The following EXOC2 variants were observed in gnomAD, a reference collection of about 807,000 sequenced individuals.
The protein encoded by EXOC2 is exocyst complex component 2.
A neutral mutation model predicts 131.8 loss-of-function variants in EXOC2; 70 were observed. The ratio of observed to expected loss-of-function variants is 0.53; its 90% CI spans 0.44 to 0.65. The LOEUF (loss-of-function observed/expected upper bound fraction) is 0.65, where lower values mean the gene tolerates loss of function less well. Among genes scored for constraint, EXOC2 ranks in the 30% least tolerant of loss-of-function variants. The probability of loss-of-function intolerance (pLI) is 0.00; values close to 1 mark genes in which losing one functional copy is unlikely to be tolerated. For synonymous variants in EXOC2, 411 were observed against 398.4 expected, an observed-to-expected ratio of 1.03 and a Z score of -0.38; for missense variants, 923 against 1,108.6, an observed-to-expected ratio of 0.83 and a Z score of 2.38.
At chr6:500,338 T>C (rs1763971220) in intron 23 of EXOC2, among the ~76,000 whole-genome samples, 1 of 152,216 alleles carries the variant, frequency 6.6e-6, no homozygotes, top group Non-Finnish European at 1.5e-5. Flanking sequence ...CATCAGATTT[T>C]AGGTACAAGT....
At chr6:590,794 G>A (rs1759498948) in intron 11 of EXOC2, among the ~76,000 whole-genome samples, 1 of 152,054 alleles carries the variant, frequency 6.6e-6, no homozygotes, top group Non-Finnish European at 1.5e-5. Flanking sequence ...TCTTTCCTGA[G>A]TTTGCTTCTT....
intron 2 of EXOC2, among the ~76,000 whole-genome samples, chr6:634,346 A>G (rs1761999738): frequency 6.6e-6 from 1 of 152,116 alleles, no homozygotes; most frequent in Non-Finnish European, 1.5e-5. Flanking sequence ...TGGCCTCCCA[A>G]AGTGCTAGGA....
At chr6:658,670 T>TATATATATATATATATA (rs1332684843) in intron 1 of EXOC2, among the ~76,000 whole-genome samples, 1 of 137,162 alleles carries the variant, frequency 7.3e-6, no homozygotes, top group Non-Finnish European at 1.6e-5. Context: ...TATATATTTT[T>TATATATATATATATATA]TTTTTTTTTA....
intron 12 of EXOC2, among the ~76,000 whole-genome samples, chr6:574,801 C>A (rs1305088828): frequency 6.6e-6 from 1 of 152,228 alleles, no homozygotes; most frequent in Non-Finnish European, 1.5e-5. Flanking sequence ...AGTCAATTAA[C>A]CAATTGAATA....
intron 1 of EXOC2, among the ~76,000 whole-genome samples, chr6:667,142 G>GT (rs1307591138): frequency 1.0e-5 from 1 of 97,178 alleles, no homozygotes; most frequent in African/African-American, 3.1e-5. Context: ...ACTAAAAACT[G>GT]TATTTTACCT....
At chr6:638,677 A>G (rs984350486) in intron 1 of EXOC2, among the ~76,000 whole-genome samples, 7 of 152,260 alleles carry the variant, frequency 4.6e-5, no homozygotes, top group African/African-American at 1.2e-4. Context: ...TCATGCCTGT[A>G]ATCCCAGCAC....
chr6:510,822 T>C (rs1242769346), intron 23 of EXOC2, among the ~76,000 whole-genome samples: 1 of 152,220 alleles, frequency 6.6e-6, no homozygotes, highest in Non-Finnish European at 1.5e-5. Context: ...TAGTTTTTTG[T>C]CAGAAATTTT....
chr6:522,732 G>A (rs1229438830), intron 23 of EXOC2, among the ~76,000 whole-genome samples: 3 of 152,032 alleles, frequency 2.0e-5, no homozygotes, highest in East Asian at 3.9e-4. Flanking sequence ...GGTGCAGCAA[G>A]GTGTCTCCAG....
chr6:615,052 T>G (rs1760912283), intron 6 of EXOC2, among the ~76,000 whole-genome samples: 1 of 152,116 alleles, frequency 6.6e-6, no homozygotes, highest in African/African-American at 2.4e-5. Flanking sequence ...GCCTATAACA[T>G]GAATTTTAAA....
chr6:516,400 T>C (rs546975176), intron 23 of EXOC2, among the ~76,000 whole-genome samples: 32 of 152,244 alleles, frequency 2.1e-4, no homozygotes, highest in African/African-American at 7.2e-4. Context: ...CAGAGCTAGC[T>C]CGTCTAGCTC....
rs1763034008 is a variant in EXOC2 at position 486,215 on chromosome 6, C to G, written c.*456G>C. 6.5e-6 allele frequency: 1 copy of G among 153,684 alleles called. No individual in the cohort carries two copies. Among genetic ancestry groups the G allele is most frequent in the African/African-American group, 2.4e-5 (1 of 41,390 alleles). The allele number at this position is 153,684 out of a possible 1,614,324, so 9.5% of individuals were successfully genotyped here. ...AATGAGGGTTTTAAGCACAGCTGTACAGTTTAGGACAGTAAGAGCTCCAAA... is the reference window on the plus strand; with the variant it reads ...AATGAGGGTTTTAAGCACAGCTGTAGAGTTTAGGACAGTAAGAGCTCCAAA... On this transcript the variant is annotated 3_prime_UTR_variant, in exon 28 of 28. Coordinates refer to ENST00000230449, the MANE Select transcript of EXOC2 (RefSeq NM_018303.6).
intron 18 of EXOC2, 108 bp from the exon 19 acceptor site, chr6:556,121 G>A: frequency 2.0e-6 from 2 of 989,112 alleles, no homozygotes; most frequent in Non-Finnish European, 1.6e-6. Flanking sequence ...TGCAGGAGTG[G>A]TGCCCTTCCT....
At chr6:662,042 G>A (rs1002138275) in intron 1 of EXOC2, among the ~76,000 whole-genome samples, 2 of 152,250 alleles carry the variant, frequency 1.3e-5, no homozygotes, top group Non-Finnish European at 2.9e-5. Flanking sequence ...AGCAACAGCA[G>A]TTAAAACAGA....
intron 22 of EXOC2, among the ~76,000 whole-genome samples, chr6:537,349 C>T (rs895841742): frequency 1.2e-4 from 16 of 131,880 alleles, no homozygotes; most frequent in South Asian, 2.6e-4. Context: ...CTCGAGTTGA[C>T]GGCCGACGGA....
intron 25 of EXOC2, among the ~76,000 whole-genome samples, chr6:494,493 G>C (rs755313062): frequency 5.3e-5 from 8 of 151,014 alleles, no homozygotes; most frequent in Non-Finnish European, 1.2e-4. Flanking sequence ...GACAAATCTC[G>C]AAGTGTGGCA....
chr6:532,432 T>C, intron 23 of EXOC2, 37 bp downstream of exon 23: 1 of 1,464,432 alleles, frequency 6.8e-7, no homozygotes, highest in Non-Finnish European at 9.0e-7. Context: ...GATAAAAGTA[T>C]ATCCACATCT....
intron 6 of EXOC2, among the ~76,000 whole-genome samples, chr6:613,663 C>T (rs1760829699): frequency 6.6e-6 from 1 of 152,172 alleles, no homozygotes; most frequent in Non-Finnish European, 1.5e-5. Context: ...AATTTCCCCA[C>T]ATCCCAGAAT....
At chr6:572,850 T>C (rs1758365260) in intron 12 of EXOC2, among the ~76,000 whole-genome samples, 1 of 152,158 alleles carries the variant, frequency 6.6e-6, no homozygotes, top group Admixed American at 6.5e-5. Flanking sequence ...CTCCTTGCCC[T>C]CTGGCAAGGA....
At chr6:598,584 A>T (rs965555688) in intron 9 of EXOC2, among the ~76,000 whole-genome samples, 12 of 152,182 alleles carry the variant, frequency 7.9e-5, no homozygotes, top group African/African-American at 2.9e-4. Flanking sequence ...CTTGTCATTG[A>T]TTCCTTCCAG....
Sources: allele counts gnomAD v4.1 joint callset (sites outside exome capture counted in the v4.1 genomes callset), GRCh38; gene constraint gnomAD v4.1.1; transcripts MANE v1.5; gene names NCBI Gene and HGNC (gene_info 2026-07-23, HGNC 2026-07-21).